PLA2G10: variants seen among roughly 807,000 people sequenced by gnomAD.
PLA2G10 encodes the protein group 10 secretory phospholipase A2.
A neutral mutation model predicts 7.9 loss-of-function variants in PLA2G10; 9 were observed. The observed-to-expected ratio is 1.14, with a 90% CI of 0.68 to 1.98. PLA2G10 has a LOEUF of 1.98. PLA2G10 is among the 30% of genes most tolerant of loss of function. PLA2G10 has a pLI of 0.00. For missense variants in PLA2G10, 53 were observed against 65.4 expected (o/e 0.81, Z 0.66); for synonymous variants, 19 against 27.5 (o/e 0.69, Z 0.97).
chr16:14,683,940 T>C (rs1960970533), intron 3 of PLA2G10, among the ~76,000 whole-genome samples: 1 of 152,114 alleles, frequency 6.6e-6, no homozygotes, highest in African/African-American at 2.4e-5. Context: ...ATCCACAGTA[T>C]ATAAAGAACT....
intron 3 of PLA2G10, among the ~76,000 whole-genome samples, chr16:14,674,647 G>A (rs1006974338): frequency 1.3e-5 from 2 of 151,954 alleles, no homozygotes; most frequent in Non-Finnish European, 2.9e-5. Context: ...GTTGCAGTGA[G>A]CTGAGATCAT....
intron 3 of PLA2G10, among the ~76,000 whole-genome samples, chr16:14,674,625 T>TG (rs1213119593): frequency 1.3e-5 from 2 of 151,376 alleles, no homozygotes; most frequent in African/African-American, 4.9e-5. Context: ...CACTTAAACC[T>TG]GGGGGGCAGA....
chr16:14,684,920 T>C (rs1306235206), intron 3 of PLA2G10, among the ~76,000 whole-genome samples: 2 of 152,116 alleles, frequency 1.3e-5, no homozygotes, highest in African/African-American at 4.8e-5. Flanking sequence ...TAAGTATTTG[T>C]TCATGAATGT....
Position 14,672,777 on chromosome 16 carries a change from G to C in PLA2G10, c.356-28C>G, listed in dbSNP as rs750118985. On this transcript the variant is annotated intron_variant, in intron 3 of 3. Coordinates refer to ENST00000438167, the MANE Select transcript of PLA2G10 (RefSeq NM_003561.3). ...GGAAGAAGTGGGGAAACTGAGATTA[G>C]AGCAGGGACCTGGAGAGACTCAAGG... 5.6e-6 allele frequency: 9 copies of C among 1,612,654 alleles called. No individual in the cohort carries two copies. In the East Asian group the frequency reaches 8.9e-5, roughly 16 times the overall value.
intron 3 of PLA2G10, among the ~76,000 whole-genome samples, chr16:14,678,354 C>T (rs1960783700): frequency 1.3e-5 from 2 of 152,194 alleles, no homozygotes; most frequent in African/African-American, 4.8e-5. Context: ...ATCTTCACTG[C>T]CACCCCCTGC....
chr16:14,678,866 T>G, intron 3 of PLA2G10: 1 of 288,562 alleles, frequency 3.5e-6, no homozygotes, highest in Non-Finnish European at 7.0e-6. Context: ...GCCCTAGGAA[T>G]CTAGCCCCTA....
intron 3 of PLA2G10, among the ~76,000 whole-genome samples, chr16:14,685,578 C>T (rs926464554): frequency 2.0e-5 from 3 of 151,862 alleles, no homozygotes; most frequent in African/African-American, 4.8e-5. Flanking sequence ...AGGGATTTTT[C>T]GAGGCAGAGT....
Position 14,672,655 on chromosome 16 carries a change from G to A in PLA2G10, c.450C>T (p.Leu150=), listed in dbSNP as rs1960619725. ...LAQTEYNLKY[L]FYPQFLCEPD... ...GCTCACATAGGAACTGGGGGTAGAA[G>A]AGGTACTTTAAGTTGTACTCAGTTT... The change falls in exon 4 of 4, where the codon CTC becomes CTT. Residue 150 remains leucine, a synonymous_variant. Coordinates refer to ENST00000438167, the MANE Select transcript of PLA2G10 (RefSeq NM_003561.3). 5 of 1,614,084 alleles carry A rather than the reference G, an allele frequency of 3.1e-6. No individual in the cohort carries two copies. The highest frequency in any genetic ancestry group is 1.3e-5 in the African/African-American group (1 of 75,056).
intron 3 of PLA2G10, among the ~76,000 whole-genome samples, chr16:14,683,529 C>T (rs1960954985): frequency 1.3e-5 from 2 of 152,058 alleles, no homozygotes; most frequent in South Asian, 4.1e-4. Context: ...AGCCACCACT[C>T]CTGGCGGTGA....
chr16:14,676,944 G>A (rs1960740654), intron 3 of PLA2G10, among the ~76,000 whole-genome samples: 1 of 152,116 alleles, frequency 6.6e-6, no homozygotes, highest in South Asian at 2.1e-4. Flanking sequence ...GGCATACAGA[G>A]TGGTATAACG....
intron 3 of PLA2G10, among the ~76,000 whole-genome samples, chr16:14,687,000 C>T (rs1057392953): frequency 4.6e-5 from 7 of 151,580 alleles, no homozygotes; most frequent in Non-Finnish European, 8.8e-5. Flanking sequence ...CTCAGCTACT[C>T]AGGAGGCTGA....
At chr16:14,675,737 G>A (rs1024102420) in intron 3 of PLA2G10, among the ~76,000 whole-genome samples, 10 of 151,470 alleles carry the variant, frequency 6.6e-5, no homozygotes, top group Admixed American at 1.3e-4. Flanking sequence ...TCAGGAGTTC[G>A]AGACCAGCCT....
intron 3 of PLA2G10, among the ~76,000 whole-genome samples, chr16:14,683,637 A>G (rs1960958945): frequency 6.6e-6 from 1 of 152,178 alleles, no homozygotes; most frequent in Non-Finnish European, 1.5e-5. Flanking sequence ...AATAAAGTTC[A>G]ACCCCTTACC....
chr16:14,685,109 C>T (rs929672806), intron 3 of PLA2G10, among the ~76,000 whole-genome samples: 6 of 152,074 alleles, frequency 3.9e-5, no homozygotes, highest in Non-Finnish European at 8.8e-5. Context: ...TGGTGGCTCA[C>T]GCCTGTAATC....
At chr16:14,681,674 T>C (rs1157310184) in intron 3 of PLA2G10, among the ~76,000 whole-genome samples, 1 of 151,930 alleles carries the variant, frequency 6.6e-6, no homozygotes, top group Non-Finnish European at 1.5e-5. Context: ...TGTAATTAAA[T>C]AAACAACTAT....
chr16:14,683,483 G>C (rs1333028751), intron 3 of PLA2G10, among the ~76,000 whole-genome samples: 1 of 151,854 alleles, frequency 6.6e-6, no homozygotes, highest in Non-Finnish European at 1.5e-5. Flanking sequence ...CAATCCATCC[G>C]CCTCAGCCTC....
At chr16:14,687,225 G>C (rs1961105593) in intron 3 of PLA2G10, among the ~76,000 whole-genome samples, 1 of 151,680 alleles carries the variant, frequency 6.6e-6, no homozygotes, top group Non-Finnish European at 1.5e-5. Context: ...CAGTCCTTAT[G>C]TTATTGCTTT....
intron 3 of PLA2G10, among the ~76,000 whole-genome samples, chr16:14,686,792 GC>G (rs1159045722): frequency 1.3e-5 from 2 of 152,222 alleles, no homozygotes; most frequent in African/African-American, 4.8e-5. Flanking sequence ...ACAGCACCCG[GC>G]CCAAAATGGA....
chr16:14,687,183 A>C (rs1045654850), intron 3 of PLA2G10, among the ~76,000 whole-genome samples: 4 of 151,958 alleles, frequency 2.6e-5, no homozygotes, highest in Non-Finnish European at 4.4e-5. Context: ...AACAAACAAT[A>C]AATAAATAAT....
Sources: gnomAD v4.1 joint callset for allele counts (sites outside exome capture counted in the v4.1 genomes callset) on GRCh38, gnomAD v4.1.1 for gene constraint, MANE v1.5 for transcripts, NCBI Gene and HGNC (gene_info 2026-07-23, HGNC 2026-07-21) for gene names.